The following RBFOX1 variants were observed in gnomAD, a reference collection of about 807,000 sequenced individuals.
RBFOX1 encodes RNA binding fox-1 homolog 1, also known as RNA binding protein fox-1 homolog 1.
A neutral mutation model predicts 57.7 loss-of-function variants in RBFOX1; 8 were observed. The ratio of observed to expected loss-of-function variants is 0.14; its 90% confidence interval spans 0.08 to 0.25. The LOEUF is 0.25. RBFOX1 is among the 10% of genes least tolerant of loss of function. RBFOX1 has a pLI of 1.00. For missense variants in RBFOX1, 611 were observed against 548.5 expected (o/e 1.11, Z -1.14); for synonymous variants, 326 against 222.4 (o/e 1.47, Z -4.15).
At chr16:6,442,646 G>C (rs1354282585) in intron 2 of RBFOX1, among the ~76,000 whole-genome samples, 1 of 152,068 alleles carries the variant, frequency 6.6e-6, no homozygotes, top group Non-Finnish European at 1.5e-5. Flanking sequence ...CTTCTCTTCA[G>C]GTATGCAGAA....
chr16:6,353,510 G>A (rs1026575624), intron 2 of RBFOX1, among the ~76,000 whole-genome samples: 1 of 151,940 alleles, frequency 6.6e-6, no homozygotes, highest in African/African-American at 2.4e-5. Context: ...CATGGTGCTG[G>A]GTTTAGGCAT....
intron 2 of RBFOX1, among the ~76,000 whole-genome samples, chr16:6,495,216 T>C (rs1454492704): frequency 1.3e-5 from 2 of 152,148 alleles, no homozygotes; most frequent in Non-Finnish European, 2.9e-5. Context: ...CCTCCCGGAT[T>C]CAAGCGATTC....
At chr16:5,388,422 C>CTG (rs1203325071) in intron 1 of RBFOX1, among the ~76,000 whole-genome samples, 3 of 152,154 alleles carry the variant, frequency 2.0e-5, no homozygotes, top group Admixed American at 1.3e-4. Context: ...GTCAAGGATG[C>CTG]TGTGTAGGTT....
intron 3 of RBFOX1, among the ~76,000 whole-genome samples, chr16:6,882,492 G>T (rs112838430): frequency 0.011 from 1,609 of 152,146 alleles, 26 homozygotes; most frequent in African/African-American, 0.037. Flanking sequence ...TACTCCGGAG[G>T]GTGAGGCAGG....
At position 7,120,836 on chromosome 16, in the gene RBFOX1, C is replaced by CACACACACACACACACACACAT. The variant is rs1567336801; in HGVS notation, c.27+68759_27+68760insTACACACACACACACACACACA. Among the ~76,000 whole-genome samples, 681 of 140,834 alleles carry CACACACACACACACACACACAT rather than the reference C, an allele frequency of 4.8e-3. 7 individuals are homozygous for CACACACACACACACACACACAT. The highest frequency in any genetic ancestry group is 5.6e-3 in the Non-Finnish European group (364 of 65,122). The allele number at this position is 140,834 out of a possible 152,430, so 92.4% of individuals were successfully genotyped here. ...TATTTTATATATGTATATATACACA[C>CACACACACACACACACACACAT]ACACACACACACACACACACACATA... is the stretch of plus-strand genomic sequence containing the variant. On this transcript the variant is annotated intron_variant, in intron 4 of 15. Coordinates refer to ENST00000550418, the MANE Select transcript of RBFOX1 (RefSeq NM_018723.4).
At position 5,968,676 on chromosome 16, in the gene RBFOX1, A is replaced by T. The variant is rs151109684; in HGVS notation, c.351+101341A>T. Among the ~76,000 whole-genome samples the T allele has an allele frequency of 5.5e-3, 834 of 152,166 alleles. 22 individuals carry two copies. Among genetic ancestry groups the T allele is most frequent in the East Asian group, 0.051 (265 of 5,184 alleles). On this transcript the variant is annotated intron_variant, in intron 4 of 19. Coordinates refer to the RBFOX1 transcript ENST00000641259. ...TGCAATCCTATCCTTGACAAAGGAC[A>T]CTTGAGAACACTATTTGCAGGTATA...
At chr16:6,041,056 A>G (rs1298172151) in intron 1 of RBFOX1, among the ~76,000 whole-genome samples, 4 of 152,262 alleles carry the variant, frequency 2.6e-5, no homozygotes. Context: ...CCATTACAAT[A>G]TCATAGAGAA....
intron 2 of RBFOX1, among the ~76,000 whole-genome samples, chr16:6,542,403 C>T (rs1178434604): frequency 2.0e-5 from 3 of 150,576 alleles, no homozygotes; most frequent in Non-Finnish European, 3.0e-5. Flanking sequence ...GTGTGCTTTC[C>T]TCTGAGCTCA....
At chr16:5,966,083 T>C (rs1475537424) in intron 4 of RBFOX1, among the ~76,000 whole-genome samples, 1 of 152,222 alleles carries the variant, frequency 6.6e-6, no homozygotes, top group Non-Finnish European at 1.5e-5. Context: ...CCTAACTCTT[T>C]TTTCAGATGT....
At chr16:7,567,519 ATATATCCCTATGTATGGCCCTATATG>A (rs2092119722) in intron 5 of RBFOX1, among the ~76,000 whole-genome samples, 15 of 54,788 alleles carry the variant, frequency 2.7e-4, no homozygotes, top group South Asian at 6.2e-4. Flanking sequence ...GGCCCTATAT[ATATATCCCTATGTATGGCCCTATATG>A]TATATCCCTA....
At chr16:5,519,857 T>A (rs1401012621) in intron 2 of RBFOX1, among the ~76,000 whole-genome samples, 1 of 152,262 alleles carries the variant, frequency 6.6e-6, no homozygotes, top group Non-Finnish European at 1.5e-5. Context: ...TCTCATTTAT[T>A]CATGAATGCA....
chr16:7,643,203 G>A (rs947395254), intron 11 of RBFOX1, among the ~76,000 whole-genome samples: 32 of 152,176 alleles, frequency 2.1e-4, no homozygotes, highest in Admixed American at 2.1e-3. Flanking sequence ...TGTGTGAATG[G>A]TGTGTGTGTC....
rs150796148 is a variant in RBFOX1 at position 6,537,392 on chromosome 16, C to T, written c.-63-117211C>T. Among the ~76,000 whole-genome samples, 595 of 152,232 alleles carry T rather than the reference C, an allele frequency of 3.9e-3. 1 individual carries two copies. Among genetic ancestry groups the T allele is most frequent in the African/African-American group, 0.014 (569 of 41,544 alleles). On this transcript the variant is annotated intron_variant, in intron 2 of 15. Transcript: ENST00000550418. ...ATTATGGATGAATTGTGTAGGTATT[C>T]ATATAGAATAGCTAACATAAATGGA...
At chr16:6,002,133 G>A (rs762443281) in intron 4 of RBFOX1, among the ~76,000 whole-genome samples, 30 of 151,910 alleles carry the variant, frequency 2.0e-4, no homozygotes, top group African/African-American at 7.0e-4. Context: ...CACCATGCCC[G>A]GCTAATTAAA....
chr16:6,238,470 C>CA (rs2097523121), intron 1 of RBFOX1, among the ~76,000 whole-genome samples: 1 of 152,170 alleles, frequency 6.6e-6, no homozygotes, highest in South Asian at 2.1e-4. Context: ...TGCCAGAAGA[C>CA]AAAATAACAG....
intron 3 of RBFOX1, among the ~76,000 whole-genome samples, chr16:6,886,752 CT>C (rs1194041236): frequency 2.2e-5 from 2 of 91,854 alleles, no homozygotes; most frequent in East Asian, 7.2e-4. Context: ...GAGACTCTAT[CT>C]GAAAAAAACA....
intron 3 of RBFOX1, among the ~76,000 whole-genome samples, chr16:6,857,178 G>T (rs1187999251): frequency 6.6e-6 from 1 of 152,066 alleles, no homozygotes; most frequent in Non-Finnish European, 1.5e-5. Flanking sequence ...AGACTTTCAG[G>T]TTCCTGCTGA....
At chr16:7,197,344 G>A (rs1046370967) in intron 4 of RBFOX1, among the ~76,000 whole-genome samples, 5 of 151,012 alleles carry the variant, frequency 3.3e-5, no homozygotes, top group African/African-American at 7.3e-5. Flanking sequence ...CTGATCTTGG[G>A]AATCCCAGAG....
intron 4 of RBFOX1, among the ~76,000 whole-genome samples, chr16:7,434,664 T>A (rs1272917663): frequency 6.6e-6 from 1 of 152,058 alleles, no homozygotes; most frequent in African/African-American, 2.4e-5. Flanking sequence ...TACTTTTACA[T>A]TTACAGAAAA....
Sources: allele counts gnomAD v4.1 joint callset (sites outside exome capture counted in the v4.1 genomes callset), GRCh38; gene constraint gnomAD v4.1.1; transcripts MANE v1.5; gene names NCBI Gene and HGNC (gene_info 2026-07-23, HGNC 2026-07-21).